ZDHHC17: variants seen among roughly 807,000 people sequenced by gnomAD.
The protein encoded by ZDHHC17 is palmitoyltransferase ZDHHC17.
Under a neutral mutation model 90.3 loss-of-function variants are expected in ZDHHC17, and 40 were observed. The observed-to-expected ratio is 0.44, with a 90% confidence interval of 0.34 to 0.58. The LOEUF is 0.58. Ranked by LOEUF, ZDHHC17 falls within the 20% of genes least tolerant of loss-of-function variation. ZDHHC17 has a pLI of 0.01. For synonymous variants in ZDHHC17, 235 were observed against 252.4 expected (o/e 0.93, Z 0.65); for missense variants, 614 against 780.8 (o/e 0.79, Z 2.55).
intron 10 of ZDHHC17, among the ~76,000 whole-genome samples, chr12:76,831,434 TCTGC>T (rs1248482966): frequency 3.3e-5 from 5 of 152,296 alleles, no homozygotes; most frequent in African/African-American, 1.2e-4. Flanking sequence ...CACTGCAACC[TCTGC>T]CTTCCAGGTT....
chr12:76,828,313 G>A (rs1012344290), intron 9 of ZDHHC17, 77 bp from the exon 10 acceptor site: 2 of 1,245,224 alleles, frequency 1.6e-6, no homozygotes, highest in African/African-American at 3.1e-5. Context: ...CAAAATGTGT[G>A]TCATTTTCAT....
chr12:76,833,515 G>C (rs781752368), intron 10 of ZDHHC17, among the ~76,000 whole-genome samples: 1 of 152,190 alleles, frequency 6.6e-6, no homozygotes. Flanking sequence ...TTAATTGGCC[G>C]GGCATGGTGG....
intron 10 of ZDHHC17, among the ~76,000 whole-genome samples, chr12:76,838,966 T>A (rs1953400861): frequency 6.6e-6 from 1 of 152,194 alleles, no homozygotes; most frequent in African/African-American, 2.4e-5. Context: ...GAGATCAGGG[T>A]GCCAGCAAGT....
chr12:76,851,206 T>G lies in ZDHHC17; in HGVS notation c.*221T>G. ...GAAGAGTAAAGATGATAAAAAATAA[T>G]TTTAATGGTTCTTAATGTGGAAATT... On this transcript the variant is annotated 3_prime_UTR_variant, in exon 17 of 17. Transcript: ENST00000426126. 1 of 499,704 alleles carries G rather than the reference T, an allele frequency of 2.0e-6. No individual in the cohort carries two copies. Among genetic ancestry groups the G allele is most frequent in the Admixed American group, 4.2e-5 (1 of 23,784 alleles). 31.0% of individuals were successfully genotyped at this position (499,704 alleles called of 1,614,324 possible). A position where few individuals can be genotyped will look rare whatever the true frequency, so the allele number is the denominator to read the frequency against.
At chr12:76,848,877 C>T (rs1322957162) in intron 15 of ZDHHC17, among the ~76,000 whole-genome samples, 1 of 152,066 alleles carries the variant, frequency 6.6e-6, no homozygotes, top group Non-Finnish European at 1.5e-5. Flanking sequence ...AATGATACCA[C>T]GTAAACTAGT....
rs894412552 is a variant in ZDHHC17 at position 76,848,496 on chromosome 12, T to C, written c.1665+106T>C. ...CCTAACCACTCCTGCTCTTCAAATA[T>C]TCATTTTATTTTTCAATTTAGTTTT... On this transcript the variant is annotated intron_variant, in intron 15 of 16. Coordinates refer to ENST00000426126, the MANE Select transcript of ZDHHC17 (RefSeq NM_015336.4). 16 of 1,198,734 alleles carry C rather than the reference T, an allele frequency of 1.3e-5. No individual in the cohort carries two copies. The African/African-American group carries it at 1.7e-4, about 13-fold the overall frequency. 74.3% of individuals were successfully genotyped at this position (1,198,734 alleles called of 1,614,324 possible). A position where few individuals can be genotyped will look rare whatever the true frequency, so the allele number is the denominator to read the frequency against.
At chr12:76,814,967 A>G (rs1953066267) in intron 5 of ZDHHC17, among the ~76,000 whole-genome samples, 179 bp from the exon 6 acceptor site, 1 of 152,022 alleles carries the variant, frequency 6.6e-6, no homozygotes, top group Non-Finnish European at 1.5e-5. Context: ...TATGTTCACT[A>G]GAGTATATAG....
intron 1 of ZDHHC17, among the ~76,000 whole-genome samples, chr12:76,765,540 C>T (rs896360825): frequency 1.3e-5 from 2 of 152,224 alleles, no homozygotes; most frequent in African/African-American, 4.8e-5. Context: ...ATTTTCAGAA[C>T]TGGCATTGTA....
At chr12:76,804,220 G>A (rs763096532) in intron 2 of ZDHHC17, among the ~76,000 whole-genome samples, 1 of 152,142 alleles carries the variant, frequency 6.6e-6, no homozygotes, top group African/African-American at 2.4e-5. Context: ...ACCAGCAGTG[G>A]GATGTTGTAT....
At chr12:76,810,721 G>A (rs1953009682) in intron 5 of ZDHHC17, among the ~76,000 whole-genome samples, 1 of 152,024 alleles carries the variant, frequency 6.6e-6, no homozygotes, top group Non-Finnish European at 1.5e-5. Context: ...GGGGGTTATT[G>A]TCTGTTACTG....
At chr12:76,828,632 TAAGTA>T (rs1164651355) in intron 10 of ZDHHC17, 142 bp downstream of exon 10, 5 of 646,364 alleles carry the variant, frequency 7.7e-6, no homozygotes, top group African/African-American at 5.7e-5. Context: ...TAAACTAATA[TAAGTA>T]ATGTTTTTAA....
intron 3 of ZDHHC17, among the ~76,000 whole-genome samples, chr12:76,806,650 C>T (rs1048717834): frequency 3.3e-5 from 5 of 152,170 alleles, no homozygotes; most frequent in Non-Finnish European, 7.3e-5. Flanking sequence ...GCTGGGATTA[C>T]AGGCGTGAGC....
At chr12:76,843,886 C>T (rs1440836752) in intron 12 of ZDHHC17, 1 of 152,034 alleles carries the variant, frequency 6.6e-6, no homozygotes, top group African/African-American at 2.4e-5. Context: ...TTCTTTATTA[C>T]ACTTAATATT....
chr12:76,811,406 A>G (rs1177960361), intron 5 of ZDHHC17, among the ~76,000 whole-genome samples: 1 of 152,162 alleles, frequency 6.6e-6, no homozygotes, highest in Non-Finnish European at 1.5e-5. Flanking sequence ...TAACTGGGAA[A>G]GAAAGGTGGT....
intron 7 of ZDHHC17, among the ~76,000 whole-genome samples, chr12:76,817,624 G>A (rs932610835): frequency 5.3e-5 from 8 of 151,986 alleles, no homozygotes; most frequent in Non-Finnish European, 4.4e-5. Context: ...ATAAAATTAG[G>A]TTAAATTCAG....
rs752781772 is a variant in ZDHHC17, at chr12:76,764,235, G to C, written c.-2G>C. 1.0e-5 allele frequency: 16 copies of C among 1,589,288 alleles called. No homozygotes were observed. The highest frequency in any genetic ancestry group is 1.4e-5 in the Non-Finnish European group (16 of 1,167,322). On this transcript the variant is annotated 5_prime_UTR_variant, in exon 1 of 17. Coordinates refer to ENST00000426126, the MANE Select transcript of ZDHHC17 (RefSeq NM_015336.4). Reference sequence around the variant, plus strand: ...CGGGAGGGTGAAACGCTTTCTCCCAGCATGCAGCGGGAGGAGGGATTTAAC... The same window carrying C: ...CGGGAGGGTGAAACGCTTTCTCCCACCATGCAGCGGGAGGAGGGATTTAAC...
rs532553429 is a variant in ZDHHC17 at position 76,777,243 on chromosome 12, T to C, written c.93+12914T>C. Among the ~76,000 whole-genome samples the C allele has an allele frequency of 2.0e-5, 3 of 152,348 alleles. No homozygotes were observed. In the South Asian group the frequency reaches 6.2e-4, roughly 32 times the overall value. ...ATCACTAACCTGTTCTCCATTTCTA[T>C]TATTTTGTAATTTTAAGAATGTTAC... On this transcript the variant is annotated intron_variant, in intron 1 of 16. Coordinates refer to ENST00000426126, the MANE Select transcript of ZDHHC17 (RefSeq NM_015336.4).
At position 76,805,371 on chromosome 12, in the gene ZDHHC17, G is replaced by A. The variant is rs372624568; in HGVS notation, c.252G>A (p.Arg84=). The change falls in exon 3 of 17, where the codon CGG becomes CGA. Residue 84 remains arginine (R), a synonymous_variant. Coordinates refer to ENST00000426126, the MANE Select transcript of ZDHHC17 (RefSeq NM_015336.4). ...RELVEAGYDV[R]QPDKENVTLL... ...TGGTGGAAGCAGGTTATGATGTACGGCAACCGGACAAAGAAAATGTTACCC... is the reference window on the plus strand; with the variant it reads ...TGGTGGAAGCAGGTTATGATGTACGACAACCGGACAAAGAAAATGTTACCC... 3.7e-6 allele frequency: 6 copies of A among 1,603,278 alleles called. No homozygotes were observed. Among genetic ancestry groups the A allele is most frequent in the Non-Finnish European group, 5.1e-6 (6 of 1,173,922 alleles).
intron 1 of ZDHHC17, among the ~76,000 whole-genome samples, chr12:76,794,269 TA>T (rs1457663605): frequency 2.0e-5 from 3 of 152,092 alleles, no homozygotes; most frequent in Non-Finnish European, 1.5e-5. Flanking sequence ...ATTTTTAGCT[TA>T]AAAATTATTA....
Sources: gnomAD v4.1 joint callset for allele counts (sites outside exome capture counted in the v4.1 genomes callset) on GRCh38, gnomAD v4.1.1 for gene constraint, MANE v1.5 for transcripts, NCBI Gene and HGNC (gene_info 2026-07-23, HGNC 2026-07-21) for gene names.